YWHAB: variants seen among roughly 807,000 people sequenced by gnomAD.
YWHAB encodes the protein 14-3-3 protein beta/alpha.
A neutral mutation model predicts 28.5 loss-of-function variants in YWHAB; 2 were observed. That is an observed-to-expected ratio of 0.07 (90% CI 0.03 to 0.22). The LOEUF is 0.22. Among genes scored for constraint, YWHAB ranks in the 10% least tolerant of loss-of-function variants. The pLI, the probability that YWHAB is intolerant of heterozygous loss-of-function variation, is 1.00. For missense variants in YWHAB, 148 were observed against 297.1 expected, an observed-to-expected ratio of 0.50 and a Z score of 3.69; for synonymous variants, 103 against 104.7, an observed-to-expected ratio of 0.98 and a Z score of 0.10.
chr20:44,898,210 G>A (rs1040003488), intron 1 of YWHAB, among the ~76,000 whole-genome samples: 3 of 152,228 alleles, frequency 2.0e-5, no homozygotes, highest in African/African-American at 4.8e-5. Context: ...TGTGAGTGAA[G>A]ATGTCAGATG....
At position 44,906,471 on chromosome 20, in the gene YWHAB, A is replaced by C; in HGVS notation, c.*33A>C. 1 of 1,533,690 alleles carries C rather than the reference A, an allele frequency of 6.5e-7. No homozygotes were observed. Among genetic ancestry groups the C allele is most frequent in the East Asian group, 2.3e-5 (1 of 43,964 alleles). ...CGTGCTTTGTGATCTGTTCAGTGTCACTCTGTACCCTCAACATATATCCCT... is the reference window on the plus strand; with the variant it reads ...CGTGCTTTGTGATCTGTTCAGTGTCCCTCTGTACCCTCAACATATATCCCT... On this transcript the variant is annotated 3_prime_UTR_variant, in exon 6 of 6. Transcript: ENST00000353703.
In YWHAB at chr20:44,885,833, A is replaced by T. The variant is rs1390747814; in HGVS notation, c.-57A>T. 2 of 155,570 alleles carry T rather than the reference A, an allele frequency of 1.3e-5. No individual in the cohort carries two copies. The highest frequency in any genetic ancestry group is 2.4e-5 in the African/African-American group (1 of 41,470). The allele number at this position is 155,570 out of a possible 1,614,324, so 9.6% of individuals were successfully genotyped here. On this transcript the variant is annotated 5_prime_UTR_variant, in exon 1 of 6. Transcript: ENST00000353703. ...TAGTGGGCTTAGGAAGGAAGAGGTC[A>T]TCTCGCTCGGAGCTTCGCTCGGAAG...
chr20:44,895,705 C>T (rs1449350137), intron 1 of YWHAB, among the ~76,000 whole-genome samples: 3 of 152,110 alleles, frequency 2.0e-5, no homozygotes, highest in Admixed American at 6.6e-5. Context: ...TGGTCTCAAG[C>T]GATGCTCCAG....
At chr20:44,895,266 G>A (rs2066589243) in intron 1 of YWHAB, among the ~76,000 whole-genome samples, 1 of 152,190 alleles carries the variant, frequency 6.6e-6, no homozygotes, top group South Asian at 2.1e-4. Flanking sequence ...TGAGCATTGT[G>A]TTTATAGGGC....
In YWHAB at chr20:44,885,877, C is replaced by G. The variant is rs2066523031; in HGVS notation, c.-13C>G. ...TCGGAAGGGTCTTTGTTCCCTGCAG[C>G]CCTCCCACGGTGAGTGCGGCGCGGG... On this transcript the variant is annotated 5_prime_UTR_variant, in exon 1 of 6. Transcript: ENST00000353703. 1 of 153,506 alleles carries G rather than the reference C, an allele frequency of 6.5e-6. No individual in the cohort carries two copies. The highest frequency in any genetic ancestry group is 2.4e-5 in the African/African-American group (1 of 41,458). 9.5% of individuals were successfully genotyped at this position (153,506 alleles called of 1,614,324 possible). A position where few individuals can be genotyped will look rare whatever the true frequency, so the allele number is the denominator to read the frequency against.
chr20:44,890,500 C>CTTTTTTTTTT (rs35619333), intron 1 of YWHAB, among the ~76,000 whole-genome samples: 1 of 86,388 alleles, frequency 1.2e-5, no homozygotes, highest in Non-Finnish European at 2.2e-5. Flanking sequence ...TGGATTCCTA[C>CTTTTTTTTTT]TTTTTTTTTT....
chr20:44,896,894 G>A (rs2066599251), intron 1 of YWHAB, among the ~76,000 whole-genome samples: 1 of 152,176 alleles, frequency 6.6e-6, no homozygotes, highest in Non-Finnish European at 1.5e-5. Context: ...TTTAGCTATG[G>A]ATTTTGTTTG....
In YWHAB at chr20:44,907,813, A is replaced by G. The variant is rs1343735409; in HGVS notation, c.*1375A>G. 1 of 152,202 alleles carries G rather than the reference A, an allele frequency of 6.6e-6. No individual in the cohort carries two copies. 9.4% of individuals were successfully genotyped at this position (152,202 alleles called of 1,614,324 possible). On this transcript the variant is annotated 3_prime_UTR_variant, in exon 6 of 6. Transcript: ENST00000353703. ...ACCCTGTCTTCCTCCAGTTCTCAAC[A>G]CGGTGTTGCTCTTCAGTCATACCGG... is the stretch of plus-strand genomic sequence containing the variant.
intron 1 of YWHAB, among the ~76,000 whole-genome samples, chr20:44,895,733 A>C (rs2066592149): frequency 6.6e-6 from 1 of 152,334 alleles, no homozygotes; most frequent in African/African-American, 2.4e-5. Context: ...CTCCAAAAGC[A>C]CTGGGATTAT....
chr20:44,902,037 A>T (rs1030560249), intron 2 of YWHAB: 17 of 501,400 alleles, frequency 3.4e-5, no homozygotes, highest in African/African-American at 2.9e-4. Context: ...CACTTCTGAG[A>T]TACTTTCCTC....
At chr20:44,886,388 A>G (rs1212791451) in intron 1 of YWHAB, 1 of 152,260 alleles carries the variant, frequency 6.6e-6, no homozygotes, top group East Asian at 1.9e-4. Context: ...GGGAGACAGC[A>G]GTGGGGGAAC....
Position 44,885,756 on chromosome 20 carries a change from G to A in YWHAB, c.-134G>A. The stretch of plus-strand genomic sequence containing the variant: ...CGCCGATTCCGGAGCCGGGGTAGTC[G>A]CCGCCGCCGCCGCCGCTGCAGCCAC... On this transcript the variant is annotated 5_prime_UTR_variant, in exon 1 of 6. Coordinates refer to ENST00000353703, the MANE Select transcript of YWHAB (RefSeq NM_139323.4). The A allele has an allele frequency of 5.6e-6, 1 of 179,680 alleles. No individual in the cohort carries two copies. Among genetic ancestry groups the A allele is most frequent in the Non-Finnish European group, 1.2e-5 (1 of 86,878 alleles). The allele number at this position is 179,680 out of a possible 1,614,324, so 11.1% of individuals were successfully genotyped here.
At chr20:44,892,492 G>A (rs1219075697) in intron 1 of YWHAB, among the ~76,000 whole-genome samples, 2 of 151,952 alleles carry the variant, frequency 1.3e-5, no homozygotes, top group East Asian at 3.9e-4. Flanking sequence ...TAGAGTTTAA[G>A]CTCTCTGAGG....
chr20:44,905,334 C>G (rs913759299), intron 4 of YWHAB: 2 of 473,362 alleles, frequency 4.2e-6, no homozygotes, highest in Non-Finnish European at 7.1e-6. Flanking sequence ...TGTTTGATTA[C>G]TGTTTTTTGC....
rs1440942204 is a variant in YWHAB, at chr20:44,907,947, C to T, written c.*1509C>T. On this transcript the variant is annotated 3_prime_UTR_variant, in exon 6 of 6. Transcript: ENST00000353703. ...CACCAGGTCTCCCAAGTGCACTCATCCAGGTCAGTGCTCAGATGTGTTTAA... is the reference window on the plus strand; with the variant it reads ...CACCAGGTCTCCCAAGTGCACTCATTCAGGTCAGTGCTCAGATGTGTTTAA... 1 of 152,552 alleles carries T rather than the reference C, an allele frequency of 6.6e-6. No homozygotes were observed. The highest frequency in any genetic ancestry group is 2.4e-5 in the African/African-American group (1 of 41,438). The allele number at this position is 152,552 out of a possible 1,614,324, so 9.4% of individuals were successfully genotyped here.
chr20:44,905,830 AAT>A, intron 4 of YWHAB, 169 bp from the exon 5 acceptor site: 1 of 554,254 alleles, frequency 1.8e-6, no homozygotes, highest in Non-Finnish European at 3.2e-6. Context: ...GTGCTTTGTA[AAT>A]ATGCCTTATA....
chr20:44,896,062 G>A (rs1343604841), intron 1 of YWHAB, among the ~76,000 whole-genome samples: 1 of 152,208 alleles, frequency 6.6e-6, no homozygotes, highest in African/African-American at 2.4e-5. Flanking sequence ...TAGTACTGAA[G>A]AAACGTGGTA....
intron 1 of YWHAB, among the ~76,000 whole-genome samples, chr20:44,898,123 G>A (rs919042594): frequency 1.3e-5 from 2 of 152,172 alleles, no homozygotes; most frequent in African/African-American, 4.8e-5. Context: ...ACTGCTGTGG[G>A]GGTTCTGGGA....
chr20:44,901,468 A>G, intron 1 of YWHAB, 63 bp from the exon 2 acceptor site: 1 of 1,482,830 alleles, frequency 6.7e-7, no homozygotes, highest in Non-Finnish European at 9.1e-7. Context: ...GAAGATTCAC[A>G]CACGTTTCCT....
Sources: allele counts gnomAD v4.1 joint callset (sites outside exome capture counted in the v4.1 genomes callset), GRCh38; gene constraint gnomAD v4.1.1; transcripts MANE v1.5; gene names NCBI Gene and HGNC (gene_info 2026-07-23, HGNC 2026-07-21).